Variants in NRXN1 observed in about 807,000 individuals in gnomAD.
The protein encoded by NRXN1 is neurexin 1.
In NRXN1, 39 loss-of-function variants were observed where a neutral mutation model predicts 150.9. The ratio of observed to expected loss-of-function variants is 0.26; its 90% confidence interval spans 0.20 to 0.34. The LOEUF (loss-of-function observed/expected upper bound fraction) is 0.34. NRXN1 is among the 10% of genes least tolerant of loss of function. The pLI, the probability that NRXN1 is intolerant of heterozygous loss-of-function variation, is 1.00. For synonymous variants in NRXN1, 924 were observed against 757.0 expected (o/e 1.22, Z -3.62); for missense variants, 1,815 against 1,949.9 (o/e 0.93, Z 1.30).
intron 2 of NRXN1, among the ~76,000 whole-genome samples, chr2:50,989,421 C>A (rs149905456): frequency 6.6e-6 from 1 of 152,082 alleles, no homozygotes; most frequent in East Asian, 1.9e-4. Flanking sequence ...ACCACCAATA[C>A]AATCAAGGTA....
chr2:50,313,755 A>G (rs2075365390), intron 17 of NRXN1, among the ~76,000 whole-genome samples: 1 of 152,064 alleles, frequency 6.6e-6, no homozygotes. Flanking sequence ...GATTGCTAGG[A>G]TATTTAGTGT....
At chr2:50,038,926 T>A (rs1355233033) in intron 21 of NRXN1, among the ~76,000 whole-genome samples, 1 of 151,992 alleles carries the variant, frequency 6.6e-6, no homozygotes, top group Non-Finnish European at 1.5e-5. Flanking sequence ...ATGCCTGTAA[T>A]CCCAGCACTT....
chr2:50,240,827 T>C (rs1012082623), intron 17 of NRXN1, among the ~76,000 whole-genome samples: 13 of 151,734 alleles, frequency 8.6e-5, no homozygotes, highest in African/African-American at 3.1e-4. Flanking sequence ...CATTTCCTAG[T>C]ATGTGATAAA....
chr2:50,229,591 C>A (rs2064748309), intron 18 of NRXN1, among the ~76,000 whole-genome samples: 1 of 151,820 alleles, frequency 6.6e-6, no homozygotes, highest in South Asian at 2.1e-4. Context: ...TGGATATGTT[C>A]TAAATACAGG....
chr2:50,355,887 C>G (rs1403749481), intron 17 of NRXN1, among the ~76,000 whole-genome samples: 1 of 152,014 alleles, frequency 6.6e-6, no homozygotes, highest in Middle Eastern at 3.2e-3. Context: ...GAAACAAATC[C>G]TCTTCAACTT....
intron 17 of NRXN1, among the ~76,000 whole-genome samples, chr2:50,314,485 C>T (rs1558508114): frequency 6.6e-6 from 1 of 151,854 alleles, no homozygotes; most frequent in Admixed American, 6.6e-5. Context: ...TTTCATCACT[C>T]AAAAGGCCAG....
intron 17 of NRXN1, among the ~76,000 whole-genome samples, chr2:50,361,027 G>A (rs963137960): frequency 5.3e-5 from 8 of 152,090 alleles, no homozygotes; most frequent in African/African-American, 1.4e-4. Flanking sequence ...AGTAAATAAC[G>A]AAACGAAGGC....
At chr2:50,722,777 G>A (rs904610873) in intron 5 of NRXN1, among the ~76,000 whole-genome samples, 4 of 152,016 alleles carry the variant, frequency 2.6e-5, no homozygotes, top group Non-Finnish European at 5.9e-5. Context: ...AAATTCTTTC[G>A]AATTGGGGAA....
At chr2:50,464,220 G>C (rs188524601) in intron 17 of NRXN1, among the ~76,000 whole-genome samples, 3 of 151,782 alleles carry the variant, frequency 2.0e-5, no homozygotes, top group Admixed American at 1.3e-4. Context: ...GTAATTCTAT[G>C]GGAGAGGAAA....
chr2:50,698,020 C>T (rs776703162), intron 5 of NRXN1, among the ~76,000 whole-genome samples: 7 of 152,186 alleles, frequency 4.6e-5, no homozygotes, highest in African/African-American at 1.4e-4. Flanking sequence ...CATCCTAATA[C>T]CAGTCTAATT....
chr2:50,646,708 C>CTTTTTTTTTTTTTTTTTTTT (rs552231598), intron 5 of NRXN1, among the ~76,000 whole-genome samples: 2 of 107,438 alleles, frequency 1.9e-5, no homozygotes, highest in Non-Finnish European at 3.7e-5. Context: ...TTCATGTTGT[C>CTTTTTTTTTTTTTTTTTTTT]TTTTTTTTTT....
At chr2:50,344,514 C>G (rs180775974) in intron 17 of NRXN1, among the ~76,000 whole-genome samples, 1 of 152,204 alleles carries the variant, frequency 6.6e-6, no homozygotes, top group African/African-American at 2.4e-5. Context: ...ACAGAAAGTT[C>G]TTTGACCCAA....
At chr2:50,986,195 T>G (rs868259460) in intron 2 of NRXN1, among the ~76,000 whole-genome samples, 1 of 151,714 alleles carries the variant, frequency 6.6e-6, no homozygotes, top group African/African-American at 2.4e-5. Context: ...CATAGTAATA[T>G]TAAGTCGTGG....
intron 5 of NRXN1, among the ~76,000 whole-genome samples, chr2:50,908,912 C>T (rs1248935663): frequency 1.3e-5 from 2 of 152,000 alleles, no homozygotes; most frequent in African/African-American, 4.8e-5. Context: ...AAGGCCCTCA[C>T]TGGTTGCTAG....
intron 5 of NRXN1, among the ~76,000 whole-genome samples, chr2:50,910,693 G>A (rs1684391568): frequency 6.6e-6 from 1 of 151,842 alleles, no homozygotes; most frequent in Non-Finnish European, 1.5e-5. Flanking sequence ...TTATAATAGA[G>A]GTAAATATTA....
chr2:50,985,121 G>C (rs1553458634), intron 2 of NRXN1, among the ~76,000 whole-genome samples: 1 of 151,354 alleles, frequency 6.6e-6, no homozygotes, highest in East Asian at 1.9e-4. Context: ...AAACATACAG[G>C]AAAAAAAATG....
At chr2:50,192,611 G>T (rs934783594) in intron 18 of NRXN1, among the ~76,000 whole-genome samples, 39 of 150,256 alleles carry the variant, frequency 2.6e-4, no homozygotes, top group African/African-American at 4.7e-4. Flanking sequence ...ACTTTTTTTT[G>T]GGGGGGGCGG....
At chr2:50,195,762 G>A (rs1026232597) in intron 18 of NRXN1, among the ~76,000 whole-genome samples, 23 of 151,954 alleles carry the variant, frequency 1.5e-4, no homozygotes, top group Non-Finnish European at 1.5e-5. Flanking sequence ...ACCTGATAAT[G>A]TGATTATATG....
At chr2:50,257,420 C>A (rs2067807373) in intron 17 of NRXN1, among the ~76,000 whole-genome samples, 1 of 152,076 alleles carries the variant, frequency 6.6e-6, no homozygotes, top group African/African-American at 2.4e-5. Flanking sequence ...AGCCCCTCAG[C>A]TTGAATAGAC....
Sources: gnomAD v4.1 joint callset for allele counts (sites outside exome capture counted in the v4.1 genomes callset) on GRCh38, gnomAD v4.1.1 for gene constraint, MANE v1.5 for transcripts, NCBI Gene and HGNC (gene_info 2026-07-23, HGNC 2026-07-21) for gene names.